CLUAP1: variants seen among roughly 807,000 people sequenced by gnomAD.
CLUAP1 encodes clusterin-associated protein 1.
CLUAP1 carries 50 observed loss-of-function variants against 55.0 expected under a neutral mutation model. The observed-to-expected ratio is 0.91, with a 90% CI of 0.72 to 1.15. CLUAP1 has a LOEUF of 1.15. Among genes scored for constraint, CLUAP1 ranks in the 50% most tolerant of loss-of-function variants. The pLI, the probability that CLUAP1 is intolerant of heterozygous loss-of-function variation, is 0.00. For synonymous variants in CLUAP1, 195 were observed against 175.4 expected (o/e 1.11, Z -0.88); for missense variants, 530 against 507.6 (o/e 1.04, Z -0.42).
chr16:3,496,461 T>C (rs878904200), upstream of CLUAP1: 1 of 897,636 alleles, frequency 1.1e-6, no homozygotes, highest in East Asian at 3.9e-5. Context: ...GTGGGGACGC[T>C]TAACGGATGA....
intron 11 of CLUAP1, chr16:3,533,453 T>C (rs1332747719): frequency 3.8e-5 from 16 of 419,722 alleles, no homozygotes; most frequent in East Asian, 1.3e-4. Context: ...CCCTGTTCTG[T>C]GCTGGGGACG....
chr16:3,519,495 T>A (rs749666100), intron 6 of CLUAP1, among the ~76,000 whole-genome samples: 4 of 152,230 alleles, frequency 2.6e-5, no homozygotes, highest in Non-Finnish European at 5.9e-5. Flanking sequence ...TGTGTGGGTA[T>A]TCTGTAAGTC....
intron 4 of CLUAP1, 150 bp from the exon 5 acceptor site, chr16:3,512,233 T>C: frequency 1.9e-6 from 1 of 539,386 alleles, no homozygotes; most frequent in Non-Finnish European, 3.3e-6. Context: ...ATGGTGGTTC[T>C]GCCTATAATC....
chr16:3,527,275 A>G (rs767710786), intron 9 of CLUAP1, among the ~76,000 whole-genome samples: 3 of 152,150 alleles, frequency 2.0e-5, no homozygotes, highest in South Asian at 2.1e-4. Flanking sequence ...CTTTATTCCA[A>G]TATCATAATA....
intron 3 of CLUAP1, among the ~76,000 whole-genome samples, chr16:3,507,912 A>G (rs779233568): frequency 6.6e-6 from 1 of 152,016 alleles, no homozygotes; most frequent in Non-Finnish European, 1.5e-5. Context: ...GATTTGCCAT[A>G]ATTTATGTAA....
intron 2 of CLUAP1, among the ~76,000 whole-genome samples, chr16:3,505,883 A>C (rs555605974): frequency 3.8e-4 from 58 of 152,346 alleles, no homozygotes; most frequent in African/African-American, 1.3e-3. Context: ...TTTTTGTTAA[A>C]ATGTAAAAAC....
chr16:3,529,633 T>TTATTATATATTATATAA lies in CLUAP1; in HGVS notation c.929-919_929-918insATATTATATATTATATA, dbSNP rs2038044336. 9.7e-4 allele frequency among the ~76,000 whole-genome samples: 12 copies of TTATTATATATTATATAA among 12,352 alleles called. 1 individual carries two copies. Among genetic ancestry groups the TTATTATATATTATATAA allele is most frequent in the South Asian group, 5.1e-3 (1 of 196 alleles). The allele number at this position is 12,352 out of a possible 152,430, so 8.1% of individuals were successfully genotyped here. On this transcript the variant is annotated intron_variant, in intron 9 of 11. Coordinates refer to ENST00000576634, the MANE Select transcript of CLUAP1 (RefSeq NM_015041.3). ...ATTATATAATATTATATATTATATA[T>TTATTATATATTATATAA]TATTATATATTATATATTATTATAT...
In CLUAP1 at chr16:3,536,442, C is replaced by G; in HGVS notation, c.*171C>G. 1.6e-6 allele frequency: 1 copy of G among 614,094 alleles called. No individual in the cohort carries two copies. The highest frequency in any genetic ancestry group is 3.5e-5 in the Admixed American group (1 of 28,604). The allele number at this position is 614,094 out of a possible 1,614,324, so 38.0% of individuals were successfully genotyped here. On this transcript the variant is annotated 3_prime_UTR_variant, in exon 12 of 12. Transcript: ENST00000576634. ...CCTCCTATGTTTGCATTCCATGAAGCTTAAATAAGAATTGAAGCAAATCCC... is the reference window on the plus strand; with the variant it reads ...CCTCCTATGTTTGCATTCCATGAAGGTTAAATAAGAATTGAAGCAAATCCC...
At chr16:3,530,504 G>T in intron 9 of CLUAP1, 64 bp from the exon 10 acceptor site, 1 of 1,141,968 alleles carries the variant, frequency 8.8e-7, no homozygotes, top group Non-Finnish European at 1.3e-6. Context: ...ACCTTACTGG[G>T]CAGAGCTGTT....
intron 1 of CLUAP1, among the ~76,000 whole-genome samples, chr16:3,503,890 G>A (rs1255684812): frequency 2.0e-5 from 3 of 152,138 alleles, no homozygotes; most frequent in African/African-American, 4.8e-5. Flanking sequence ...CAGTACCTAG[G>A]TAGGTTATTT....
the CLUAP1 span, chr16:3,495,472 C>T: frequency 6.3e-7 from 1 of 1,587,956 alleles, no homozygotes; most frequent in Non-Finnish European, 8.6e-7. Context: ...TGCAGCAGGG[C>T]CCTGCTCTCC....
In CLUAP1 at chr16:3,532,842, G is replaced by T; in HGVS notation, c.1092+1G>T. On this transcript the variant is annotated splice_donor_variant, in intron 11 of 11. Transcript: ENST00000576634. LOFTEE classifies it high-confidence loss of function. ...GCAAGGTGGAGACTCCGATGACAAT[G>T]TAAGTCCCCCGCTCCCCTCAGTGGT... 5 of 1,614,112 alleles carry T rather than the reference G, an allele frequency of 3.1e-6. No individual in the cohort carries two copies. Among genetic ancestry groups the T allele is most frequent in the Non-Finnish European group, 4.2e-6 (5 of 1,179,978 alleles).
the CLUAP1 span, among the ~76,000 whole-genome samples, chr16:3,495,885 C>T: frequency 1.3e-5 from 2 of 152,058 alleles, no homozygotes; most frequent in African/African-American, 4.8e-5. Flanking sequence ...GCAGGCTGAT[C>T]AGTTGAGGTC....
intron 11 of CLUAP1, 72 bp from the exon 12 acceptor site, chr16:3,536,050 C>T (rs2038224638): frequency 6.4e-7 from 1 of 1,553,740 alleles, no homozygotes; most frequent in Non-Finnish European, 8.8e-7. Flanking sequence ...GAAAGGGAGG[C>T]AGAGAGTCTT....
chr16:3,506,246 C>G, intron 2 of CLUAP1, 85 bp from the exon 3 acceptor site: 1 of 1,093,786 alleles, frequency 9.1e-7, no homozygotes, highest in Non-Finnish European at 1.4e-6. Flanking sequence ...GTTCCAGACC[C>G]GCTGTCCTCT....
intron 9 of CLUAP1, among the ~76,000 whole-genome samples, chr16:3,529,650 T>A (rs59901055): frequency 0.022 from 290 of 13,114 alleles, 3 homozygotes; most frequent in East Asian, 0.042. Flanking sequence ...ATATTATATA[T>A]TATTATATAT....
chr16:3,498,286 ATCT>A (rs778346099), upstream of CLUAP1, among the ~76,000 whole-genome samples: 87 of 151,172 alleles, frequency 5.8e-4, no homozygotes, highest in Admixed American at 8.5e-4. Context: ...GGTGAGGGCA[ATCT>A]TCTTTTTTTT....
intron 7 of CLUAP1, among the ~76,000 whole-genome samples, chr16:3,522,402 G>A (rs2037855648): frequency 6.6e-6 from 1 of 152,176 alleles, no homozygotes; most frequent in African/African-American, 2.4e-5. Flanking sequence ...GACCTCAGTT[G>A]ATCCACCCGC....
At chr16:3,526,220 G>A (rs758889099) in intron 8 of CLUAP1, among the ~76,000 whole-genome samples, 192 bp from the exon 9 acceptor site, 5 of 152,184 alleles carry the variant, frequency 3.3e-5, no homozygotes, top group Non-Finnish European at 7.3e-5. Flanking sequence ...CGAGGCAACC[G>A]CAGAGAGAAA....
Sources: allele counts gnomAD v4.1 joint callset (sites outside exome capture counted in the v4.1 genomes callset), GRCh38; gene constraint gnomAD v4.1.1; transcripts MANE v1.5; gene names NCBI Gene and HGNC (gene_info 2026-07-23, HGNC 2026-07-21).